CMBL: variants seen among roughly 807,000 people sequenced by gnomAD.
CMBL encodes the protein carboxymethylenebutenolidase homolog.
In CMBL, 17 loss-of-function variants were observed where a neutral mutation model predicts 28.7. The observed-to-expected ratio is 0.59, with a 90% CI of 0.41 to 0.89. CMBL has a LOEUF of 0.89. Among genes scored for constraint, CMBL ranks in the 40% least tolerant of loss-of-function variants. The pLI is 0.00. For missense variants in CMBL, 310 were observed against 298.5 expected, an observed-to-expected ratio of 1.04 and a Z score of -0.28; for synonymous variants, 106 against 101.6, an observed-to-expected ratio of 1.04 and a Z score of -0.26.
intron 4 of CMBL, among the ~76,000 whole-genome samples, chr5:10,285,694 C>CTTTT (rs1252497762): frequency 0.011 from 999 of 87,286 alleles, 15 homozygotes; most frequent in African/African-American, 0.029. Flanking sequence ...CTTTCTCTTT[C>CTTTT]TTTTTCTTTT....
chr5:10,297,882 T>C (rs532457417), intron 1 of CMBL, among the ~76,000 whole-genome samples: 1 of 148,316 alleles, frequency 6.7e-6, no homozygotes, highest in East Asian at 2.0e-4. Flanking sequence ...GGCGGGAGAG[T>C]GTGGATGCTC....
Position 10,299,397 on chromosome 5 carries a change from T to A in CMBL, c.-20+8228A>T, listed in dbSNP as rs79311926. Among the ~76,000 whole-genome samples, 865 of 152,304 alleles carry A rather than the reference T, an allele frequency of 5.7e-3. 8 individuals carry two copies. Among genetic ancestry groups the A allele is most frequent in the African/African-American group, 0.019 (805 of 41,538 alleles). On this transcript the variant is annotated intron_variant, in intron 1 of 5. Coordinates refer to ENST00000296658, the MANE Select transcript of CMBL (RefSeq NM_138809.4). ...TTTCCATCTTGCAGATTGGCAAAAG[T>A]CTGTTAACACAGAGATGATGGTACA...
chr5:10,297,865 G>T (rs1340394971), intron 1 of CMBL, among the ~76,000 whole-genome samples: 1 of 152,194 alleles, frequency 6.6e-6, no homozygotes, highest in Non-Finnish European at 1.5e-5. Context: ...GGTGGTGGTG[G>T]GTGTGGGGCG....
intron 1 of CMBL, among the ~76,000 whole-genome samples, chr5:10,291,176 C>T (rs1746708238): frequency 1.3e-5 from 2 of 151,936 alleles, no homozygotes; most frequent in South Asian, 2.1e-4. Context: ...GATTTTGTGT[C>T]GACGTGTAGA....
chr5:10,280,708 T>C, intron 5 of CMBL, 76 bp from the exon 6 acceptor site: 2 of 1,244,528 alleles, frequency 1.6e-6, no homozygotes, highest in Non-Finnish European at 2.2e-6. Context: ...TGAGCGTTCA[T>C]AACAGAAATT....
At chr5:10,295,325 C>T (rs1007882991) in intron 1 of CMBL, among the ~76,000 whole-genome samples, 3 of 152,148 alleles carry the variant, frequency 2.0e-5, no homozygotes, top group African/African-American at 7.2e-5. Flanking sequence ...CTCGGGTGAT[C>T]CCGCCCACCT....
chr5:10,287,729 G>A (rs1445480354), intron 3 of CMBL, among the ~76,000 whole-genome samples: 1 of 138,900 alleles, frequency 7.2e-6, no homozygotes, highest in Non-Finnish European at 1.5e-5. Flanking sequence ...TTTTTTTTTT[G>A]AGATGGAGTC....
chr5:10,298,704 C>T (rs1319475525), intron 1 of CMBL, among the ~76,000 whole-genome samples: 2 of 152,152 alleles, frequency 1.3e-5, no homozygotes, highest in African/African-American at 2.4e-5. Context: ...AGCAGCCTGG[C>T]CAACATGGCA....
intron 1 of CMBL, among the ~76,000 whole-genome samples, chr5:10,293,641 T>C (rs901116875): frequency 1.3e-5 from 2 of 152,190 alleles, no homozygotes; most frequent in African/African-American, 4.8e-5. Context: ...ACAAAACCTA[T>C]TAAAACAGTA....
chr5:10,279,011 C>T lies in CMBL; in HGVS notation c.*1442G>A, dbSNP rs75698136. 0.057 allele frequency among the ~76,000 whole-genome samples: 8,664 copies of T among 152,238 alleles called. 340 individuals are homozygous for T. The highest frequency in any genetic ancestry group is 0.12 in the South Asian group (573 of 4,830). ...TACAGCCACTCTCTCCTGAGAAGGA[C>T]GTCAAGACAAAATTAGGAAAAAAAC... On this transcript the variant is annotated 3_prime_UTR_variant, in exon 6 of 6. Coordinates refer to ENST00000296658, the MANE Select transcript of CMBL (RefSeq NM_138809.4).
intron 1 of CMBL, among the ~76,000 whole-genome samples, chr5:10,293,450 T>G (rs919741530): frequency 6.6e-6 from 1 of 152,152 alleles, no homozygotes; most frequent in East Asian, 1.9e-4. Flanking sequence ...TATAAGGACA[T>G]TCCCTATAGT....
intron 1 of CMBL, among the ~76,000 whole-genome samples, chr5:10,296,648 T>C (rs1166312339): frequency 2.6e-5 from 4 of 152,062 alleles, no homozygotes; most frequent in Non-Finnish European, 5.9e-5. Context: ...ACACTAACAC[T>C]TCAGGGAGAT....
rs1746442141 is a variant in CMBL at position 10,278,921 on chromosome 5, G to A, written c.*1532C>T. Among the ~76,000 whole-genome samples, 1 of 152,114 alleles carries A rather than the reference G, an allele frequency of 6.6e-6. No individual in the cohort carries two copies. The highest frequency in any genetic ancestry group is 6.5e-5 in the Admixed American group (1 of 15,276). On this transcript the variant is annotated 3_prime_UTR_variant, in exon 6 of 6. Transcript: ENST00000296658. ...CTGTGAGGTCAAAGAAGGATCCCAT[G>A]AAAGGCACATGGGAAACACCCACGA...
At chr5:10,301,231 T>G (rs1746892432) in intron 1 of CMBL, among the ~76,000 whole-genome samples, 1 of 152,196 alleles carries the variant, frequency 6.6e-6, no homozygotes, top group Admixed American at 6.6e-5. Flanking sequence ...TCCCTTCACA[T>G]TACTGAATAT....
intron 4 of CMBL, among the ~76,000 whole-genome samples, chr5:10,283,254 G>C (rs1050655796): frequency 1.3e-5 from 2 of 152,188 alleles, no homozygotes; most frequent in African/African-American, 4.8e-5. Context: ...AGCAGCCTGA[G>C]GAATGTCCCG....
At chr5:10,288,703 AG>A (rs1364748906) in intron 2 of CMBL, among the ~76,000 whole-genome samples, 174 bp from the exon 3 acceptor site, 4 of 152,234 alleles carry the variant, frequency 2.6e-5, no homozygotes, top group Non-Finnish European at 5.9e-5. Context: ...CACCGGGCCA[AG>A]CCCTCTTAGG....
intron 1 of CMBL, among the ~76,000 whole-genome samples, chr5:10,303,196 G>A (rs976373288): frequency 3.9e-5 from 6 of 152,042 alleles, no homozygotes; most frequent in Admixed American, 2.6e-4. Context: ...TGCCATCCCC[G>A]ATCTTTGAGT....
chr5:10,286,834 C>T (rs904857104), intron 3 of CMBL, among the ~76,000 whole-genome samples: 3 of 152,204 alleles, frequency 2.0e-5, no homozygotes, highest in African/African-American at 7.2e-5. Flanking sequence ...TCGTAAGACC[C>T]GAGTCCATGA....
In CMBL at chr5:10,278,308, G is replaced by C. The variant is rs1008963097; in HGVS notation, c.*2145C>G. 6.6e-6 allele frequency among the ~76,000 whole-genome samples: 1 copy of C among 151,994 alleles called. No individual in the cohort carries two copies. On this transcript the variant is annotated 3_prime_UTR_variant, in exon 6 of 6. Coordinates refer to ENST00000296658, the MANE Select transcript of CMBL (RefSeq NM_138809.4). The stretch of plus-strand genomic sequence containing the variant: ...CTTCTCACTGTTCCCCAAGGTGGTC[G>C]ATCCAGACATCTGCCTTACAAAACC...
Sources: allele counts gnomAD v4.1 joint callset (sites outside exome capture counted in the v4.1 genomes callset), GRCh38; gene constraint gnomAD v4.1.1; transcripts MANE v1.5; gene names NCBI Gene and HGNC (gene_info 2026-07-23, HGNC 2026-07-21).